PLXNA4: variants seen among roughly 807,000 people sequenced by gnomAD.
PLXNA4 encodes plexin A4, also known as plexin-A4.
A neutral mutation model predicts 191.8 loss-of-function variants in PLXNA4; 44 were observed. That is an observed-to-expected ratio of 0.23 (90% CI 0.18 to 0.29). PLXNA4 has a LOEUF of 0.29. PLXNA4 is among the 10% of genes least tolerant of loss of function. The probability of loss-of-function intolerance (pLI) is 1.00; values close to 1 mark genes in which losing one functional copy is unlikely to be tolerated. For missense variants in PLXNA4, 1,800 were observed against 2,488.8 expected, an observed-to-expected ratio of 0.72 and a Z score of 5.89; for synonymous variants, 1,082 against 1,009.5, an observed-to-expected ratio of 1.07 and a Z score of -1.36.
At chr7:132,283,380 T>C (rs971483028) in intron 4 of PLXNA4, among the ~76,000 whole-genome samples, 4 of 152,182 alleles carry the variant, frequency 2.6e-5, no homozygotes, top group Admixed American at 1.3e-4. Context: ...ACTGAGAGCA[T>C]GGACTAAGCT....
intron 2 of PLXNA4, among the ~76,000 whole-genome samples, chr7:132,632,626 G>A (rs1803515400): frequency 6.6e-6 from 1 of 152,132 alleles, no homozygotes; most frequent in Non-Finnish European, 1.5e-5. Context: ...AATAATTTGG[G>A]GGAGGGTAGA....
chr7:132,155,046 T>C (rs576570109), intron 25 of PLXNA4, among the ~76,000 whole-genome samples: 2 of 152,244 alleles, frequency 1.3e-5, no homozygotes, highest in Non-Finnish European at 2.9e-5. Context: ...GTGTATCTTT[T>C]TATTGCCTAC....
intron 3 of PLXNA4, among the ~76,000 whole-genome samples, chr7:132,388,075 A>G (rs1173595896): frequency 6.6e-6 from 1 of 152,132 alleles, no homozygotes; most frequent in African/African-American, 2.4e-5. Context: ...CCTGCACACA[A>G]GTGAGGAGAG....
chr7:132,305,603 G>A (rs1000567538), intron 3 of PLXNA4, among the ~76,000 whole-genome samples: 3 of 152,178 alleles, frequency 2.0e-5, no homozygotes, highest in African/African-American at 4.8e-5. Context: ...CATCAGCAGC[G>A]TGGCCTCCGC....
intron 30 of PLXNA4, among the ~76,000 whole-genome samples, chr7:132,135,380 T>C (rs1795081715): frequency 6.6e-6 from 1 of 152,158 alleles, no homozygotes; most frequent in African/African-American, 2.4e-5. Context: ...ACAACTGTCA[T>C]CAAAAGCAAA....
Position 132,362,509 on chromosome 7 carries a change from C to T in PLXNA4, c.1372-64287G>A, listed in dbSNP as rs76750106. Among the ~76,000 whole-genome samples the T allele has an allele frequency of 5.5e-3, 832 of 152,310 alleles. 6 individuals carry two copies. Among genetic ancestry groups the T allele is most frequent in the African/African-American group, 0.02 (811 of 41,556 alleles). ...GAAGTGCAGAGATGGGAGTAAGCTGCAACTTGCACGCTAACTCTGACTGAC... is the reference window on the plus strand; with the variant it reads ...GAAGTGCAGAGATGGGAGTAAGCTGTAACTTGCACGCTAACTCTGACTGAC... On this transcript the variant is annotated intron_variant, in intron 3 of 31. Transcript: ENST00000321063.
intron 1 of PLXNA4, among the ~76,000 whole-genome samples, chr7:132,509,561 G>C (rs1032822304): frequency 6.6e-6 from 1 of 152,188 alleles, no homozygotes; most frequent in Non-Finnish European, 1.5e-5. Context: ...GCTATAAGTG[G>C]TAGAGGTAGC....
intron 25 of PLXNA4, among the ~76,000 whole-genome samples, chr7:132,158,771 G>T (rs559797686): frequency 6.6e-6 from 1 of 152,234 alleles, no homozygotes; most frequent in South Asian, 2.1e-4. Flanking sequence ...TTCCCCACTG[G>T]CCTCTTCAGA....
intron 30 of PLXNA4, among the ~76,000 whole-genome samples, chr7:132,138,596 C>T (rs761248951): frequency 2.6e-5 from 4 of 152,070 alleles, no homozygotes; most frequent in South Asian, 2.1e-4. Flanking sequence ...ACCCCGGTCC[C>T]GAAAAGGAGA....
intron 1 of PLXNA4, among the ~76,000 whole-genome samples, chr7:132,552,313 G>A (rs960457822): frequency 3.3e-5 from 5 of 152,198 alleles, no homozygotes; most frequent in South Asian, 2.1e-4. Context: ...ACACACTTAC[G>A]AGAGTTGATT....
intron 4 of PLXNA4, chr7:132,266,325 G>T (rs1018979969): frequency 2.0e-5 from 3 of 152,212 alleles, no homozygotes; most frequent in African/African-American, 7.2e-5. Context: ...TTACTGTGAA[G>T]TTGAAAGTTC....
intron 3 of PLXNA4, among the ~76,000 whole-genome samples, chr7:132,334,192 CA>C (rs1802714012): frequency 6.6e-6 from 1 of 150,966 alleles, no homozygotes; most frequent in Admixed American, 6.6e-5. Flanking sequence ...TATATTCAAA[CA>C]GAGGTGTCTC....
At chr7:132,614,025 G>A (rs1803104150) in intron 2 of PLXNA4, among the ~76,000 whole-genome samples, 1 of 152,178 alleles carries the variant, frequency 6.6e-6, no homozygotes, top group Non-Finnish European at 1.5e-5. Context: ...AGTAAAGGCA[G>A]TAAGTGAGAA....
At chr7:132,631,014 C>T (rs1803481473) in intron 2 of PLXNA4, among the ~76,000 whole-genome samples, 1 of 152,148 alleles carries the variant, frequency 6.6e-6, no homozygotes, top group African/African-American at 2.4e-5. Flanking sequence ...AACCAGAACA[C>T]CCATAGTGGC....
chr7:132,541,279 G>A (rs189011009), intron 1 of PLXNA4, among the ~76,000 whole-genome samples: 3 of 152,312 alleles, frequency 2.0e-5, no homozygotes, highest in African/African-American at 7.2e-5. Flanking sequence ...CCCCATAAGA[G>A]TAGCAACTGA....
rs556388146 is a variant in PLXNA4, at chr7:132,199,177, C to A, written c.2587-541G>T. Among the ~76,000 whole-genome samples the A allele has an allele frequency of 2.0e-4, 30 of 152,266 alleles. 1 individual carries two copies. The South Asian group carries it at 4.1e-3, about 21-fold the overall frequency. ...CTTTGTGCCTGTTCTTCATCCTTCCCACTCCCAGCCCCCTCCTCCTCCGAT... is the reference window on the plus strand; with the variant it reads ...CTTTGTGCCTGTTCTTCATCCTTCCAACTCCCAGCCCCCTCCTCCTCCGAT... On this transcript the variant is annotated intron_variant, in intron 12 of 31. Transcript: ENST00000321063.
chr7:132,624,444 C>T (rs185918246), intron 2 of PLXNA4, among the ~76,000 whole-genome samples: 4 of 152,088 alleles, frequency 2.6e-5, no homozygotes, highest in Admixed American at 2.6e-4. Flanking sequence ...GATCACAGAG[C>T]CCATGCCAAA....
intron 2 of PLXNA4, among the ~76,000 whole-genome samples, chr7:132,600,474 C>G (rs988179685): frequency 2.0e-5 from 3 of 152,178 alleles, no homozygotes; most frequent in Non-Finnish European, 4.4e-5. Context: ...AGCAATCCCC[C>G]ACCTCAGCCT....
intron 3 of PLXNA4, among the ~76,000 whole-genome samples, chr7:132,448,700 G>A (rs996690184): frequency 6.6e-6 from 1 of 152,140 alleles, no homozygotes; most frequent in Non-Finnish European, 1.5e-5. Flanking sequence ...CTTGTTCTCA[G>A]ACCTAAAGTG....
Sources: gnomAD v4.1 joint callset for allele counts (sites outside exome capture counted in the v4.1 genomes callset) on GRCh38, gnomAD v4.1.1 for gene constraint, MANE v1.5 for transcripts, NCBI Gene and HGNC (gene_info 2026-07-23, HGNC 2026-07-21) for gene names.